NF2: variants seen among roughly 807,000 people sequenced by gnomAD.
NF2 encodes merlin.
In NF2, 8 loss-of-function variants were observed where a neutral mutation model predicts 83.7. The observed-to-expected ratio is 0.10, with a 90% CI of 0.06 to 0.17. NF2 has a LOEUF of 0.17. Among genes scored for constraint, NF2 ranks in the 10% least tolerant of loss-of-function variants. NF2 has a pLI of 1.00. For missense variants in NF2, 533 were observed against 744.4 expected (o/e 0.72, Z 3.31); for synonymous variants, 266 against 269.6 (o/e 0.99, Z 0.13).
chr22:29,679,349 G>GGGTATA (rs1028384698), intron 14 of NF2, among the ~76,000 whole-genome samples: 14 of 152,316 alleles, frequency 9.2e-5, no homozygotes, highest in African/African-American at 3.4e-4. Context: ...CTCACACTGA[G>GGGTATA]GGTATAGCTA....
chr22:29,694,625 A>G lies in NF2; in HGVS notation c.1738-127A>G, dbSNP rs77195601. On this transcript the variant is annotated intron_variant, in intron 15 of 15. Transcript: ENST00000338641. This position sits in a 1 kb window ranked among gnomAD's most constrained non-coding sequence, Gnocchi z 4.1. ...GGGACTGACAGCCAACTTCTTGAGC[A>G]TCTATTTGAACAGCCTTCCCTTTCG... The G allele has an allele frequency of 4.0e-4, 363 of 915,378 alleles. 6 individuals are homozygous for G. The East Asian group carries it at 5.1e-3, about 13-fold the overall frequency. The allele number at this position is 915,378 out of a possible 1,614,324, so 56.7% of individuals were successfully genotyped here. A position where few individuals can be genotyped will look rare whatever the true frequency, so the allele number is the denominator to read the frequency against.
At chr22:29,667,257 A>C (rs143511908) in intron 9 of NF2, among the ~76,000 whole-genome samples, 2,853 of 151,386 alleles carry the variant, frequency 0.019, 90 homozygotes, top group African/African-American at 0.065. Flanking sequence ...TGAGATTTTG[A>C]GATAGGGTCT....
intron 1 of NF2, among the ~76,000 whole-genome samples, chr22:29,619,506 C>A (rs946878677): frequency 6.6e-6 from 1 of 152,158 alleles, no homozygotes; most frequent in African/African-American, 2.4e-5. Flanking sequence ...AAGCAATTCT[C>A]CTGCCTCAAC....
In NF2 at chr22:29,694,665, T is replaced by G; in HGVS notation, c.1738-87T>G. ...CTTCCCTTTCGCTCCCAGCCACCTT[T>G]GAGGTGAGTCCAAGTGGCAGGACAG... is the stretch of plus-strand genomic sequence containing the variant. On this transcript the variant is annotated intron_variant, in intron 15 of 15. Coordinates refer to ENST00000338641, the MANE Select transcript of NF2 (RefSeq NM_000268.4). This position sits in a 1 kb window ranked among gnomAD's most constrained non-coding sequence, Gnocchi z 4.1. The G allele has an allele frequency of 7.1e-6, 10 of 1,399,782 alleles. No individual in the cohort carries two copies. Among genetic ancestry groups the G allele is most frequent in the South Asian group, 1.2e-5 (1 of 82,588 alleles). 86.7% of individuals were successfully genotyped at this position (1,399,782 alleles called of 1,614,324 possible). A position where few individuals can be genotyped will look rare whatever the true frequency, so the allele number is the denominator to read the frequency against.
At chr22:29,642,933 G>A (rs888972526) in intron 4 of NF2, among the ~76,000 whole-genome samples, 8 of 151,234 alleles carry the variant, frequency 5.3e-5, no homozygotes, top group Non-Finnish European at 1.0e-4. Context: ...GCTGAAAATC[G>A]TTCACTTCCG....
chr22:29,662,834 A>T (rs539742006), intron 8 of NF2, among the ~76,000 whole-genome samples: 2 of 152,352 alleles, frequency 1.3e-5, no homozygotes, highest in African/African-American at 4.8e-5. Flanking sequence ...GCACAGGGGC[A>T]CTGGGGAGAG....
chr22:29,675,002 G>A (rs973012917), intron 13 of NF2, 61 bp downstream of exon 13: 16 of 1,423,564 alleles, frequency 1.1e-5, no homozygotes, highest in South Asian at 2.5e-5. Flanking sequence ...CTTTCCTCCC[G>A]GCCCTTCAGT....
chr22:29,694,936 G>T lies in NF2; in HGVS notation c.*134G>T. On this transcript the variant is annotated 3_prime_UTR_variant, in exon 16 of 16. Transcript: ENST00000338641. This position sits in a 1 kb window ranked among gnomAD's most constrained non-coding sequence, Gnocchi z 4.1. ...GGGAGCTCCAGAACTTTCCCCAGCT[G>T]AGTGAAGAGCCCAGCCCCTCTTATG... 4 of 883,884 alleles carry T rather than the reference G, an allele frequency of 4.5e-6. No individual in the cohort carries two copies. Among genetic ancestry groups the T allele is most frequent in the African/African-American group, 1.7e-5 (1 of 60,558 alleles). The allele number at this position is 883,884 out of a possible 1,614,324, so 54.8% of individuals were successfully genotyped here.
rs569883007 is a variant in NF2 at position 29,695,792 on chromosome 22, G to A, written c.*990G>A. On this transcript the variant is annotated 3_prime_UTR_variant, in exon 16 of 16. Coordinates refer to ENST00000338641, the MANE Select transcript of NF2 (RefSeq NM_000268.4). The surrounding 1 kb of genome is among the most constrained non-coding windows in gnomAD (Gnocchi z 5.4). ...CTGCTTCACCTTCCCTCCCAGCCAC[G>A]TGCCAGTGGCCACAGCCCACTTCCC... The A allele has an allele frequency of 2.0e-4, 46 of 233,822 alleles. No individual in the cohort carries two copies. Among genetic ancestry groups the A allele is most frequent in the Admixed American group, 7.9e-4 (14 of 17,796 alleles). 14.5% of individuals were successfully genotyped at this position (233,822 alleles called of 1,614,324 possible). A position where few individuals can be genotyped will look rare whatever the true frequency, so the allele number is the denominator to read the frequency against.
At chr22:29,620,259 CAAAA>C (rs1280294643) in intron 1 of NF2, among the ~76,000 whole-genome samples, 1 of 150,962 alleles carries the variant, frequency 6.6e-6, no homozygotes, top group Non-Finnish European at 1.5e-5. Flanking sequence ...GACTCTGTCT[CAAAA>C]AAAAGACAAT....
At chr22:29,646,103 A>T (rs2065975073) in intron 4 of NF2, among the ~76,000 whole-genome samples, 1 of 152,208 alleles carries the variant, frequency 6.6e-6, no homozygotes, top group Non-Finnish European at 1.5e-5. Flanking sequence ...AAGCAATACA[A>T]ATGAATATTT....
intron 4 of NF2, among the ~76,000 whole-genome samples, chr22:29,648,359 A>G (rs904674912): frequency 5.9e-5 from 9 of 152,226 alleles, no homozygotes; most frequent in Non-Finnish European, 1.2e-4. Flanking sequence ...TCTCACAGGT[A>G]ATCAAGAAAA....
intron 1 of NF2, among the ~76,000 whole-genome samples, chr22:29,606,301 G>A (rs1007032482): frequency 1.3e-5 from 2 of 152,214 alleles, no homozygotes; most frequent in Non-Finnish European, 2.9e-5. Flanking sequence ...TGTGGAACAG[G>A]ACTGTACCTT....
At chr22:29,614,218 T>G (rs985232827) in intron 1 of NF2, among the ~76,000 whole-genome samples, 4 of 150,396 alleles carry the variant, frequency 2.7e-5, no homozygotes, top group Non-Finnish European at 4.4e-5. Context: ...CCAAGGCAGG[T>G]GGATCATGAG....
rs878853923 is a variant in NF2 at position 29,671,903 on chromosome 22, G to A, written c.1077G>A (p.Arg359=). ...AERTRDELER[R]LLQMKEEATM... ...GCACGAGGGATGAGTTGGAGAGGAG[G>A]CTGCTGCAGATGAAAGAAGAAGCAA... The change falls in exon 11 of 16, where the codon AGG becomes AGA. Residue 359 remains arginine (R), a synonymous_variant. Coordinates refer to ENST00000338641, the MANE Select transcript of NF2 (RefSeq NM_000268.4). 4 of 1,614,082 alleles carry A rather than the reference G, an allele frequency of 2.5e-6. No homozygotes were observed. The highest frequency in any genetic ancestry group is 3.3e-5 in the Admixed American group (2 of 60,014).
chr22:29,603,689 GT>G lies in NF2; in HGVS notation c.-309del. On this transcript the variant is annotated 5_prime_UTR_variant, in exon 1 of 16. Coordinates refer to ENST00000338641, the MANE Select transcript of NF2 (RefSeq NM_000268.4). ...GAGTCTGGGCCGCTGCCGTCTAGGG[GT>G]CCCGTCCCGAGGCGTCCCCGGCATC... 1 of 436,372 alleles carries G rather than the reference GT, an allele frequency of 2.3e-6. No homozygotes were observed. Among genetic ancestry groups the G allele is most frequent in the Non-Finnish European group, 4.0e-6 (1 of 248,012 alleles). The allele number at this position is 436,372 out of a possible 1,614,324, so 27.0% of individuals were successfully genotyped here. A position where few individuals can be genotyped will look rare whatever the true frequency, so the allele number is the denominator to read the frequency against.
chr22:29,682,974 C>T, intron 15 of NF2: 2 of 1,610,280 alleles, frequency 1.2e-6, no homozygotes, highest in Non-Finnish European at 1.7e-6. Context: ...TTGTTGATAT[C>T]ACAGGGTATG....
Position 29,668,451 on chromosome 22 carries a change from G to T in NF2, c.999+5G>T. On this transcript the variant is annotated splice_donor_5th_base_variant and intron_variant, in intron 10 of 15. Transcript: ENST00000338641. ...GAGGAGAAGGCTAGAAAGCAGGTGA[G>T]CACAACCTTGTTTTAACTGATGATG... is the stretch of plus-strand genomic sequence containing the variant. 1 of 1,606,764 alleles carries T rather than the reference G, an allele frequency of 6.2e-7. No homozygotes were observed. Among genetic ancestry groups the T allele is most frequent in the South Asian group, 1.1e-5 (1 of 90,828 alleles).
intron 1 of NF2, among the ~76,000 whole-genome samples, chr22:29,618,123 G>C (rs2065123813): frequency 6.6e-6 from 1 of 152,152 alleles, no homozygotes; most frequent in Non-Finnish European, 1.5e-5. Context: ...CTGAACCTCA[G>C]ATTTCCAGTG....
Sources: gnomAD v4.1 joint callset for allele counts (sites outside exome capture counted in the v4.1 genomes callset) on GRCh38, gnomAD v4.1.1 for gene constraint, Gnocchi (gnomAD v3.1) non-coding constraint, MANE v1.5 for transcripts, NCBI Gene and HGNC (gene_info 2026-07-23, HGNC 2026-07-21) for gene names.